NLGN4Y: variants seen among roughly 807,000 people sequenced by gnomAD.
NLGN4Y encodes neuroligin-4, Y-linked.
NLGN4Y carries 4 observed loss-of-function variants against 8.4 expected under a neutral mutation model. That is an observed-to-expected ratio of 0.48 (90% confidence interval 0.23 to 1.09). The LOEUF is 1.09. Ranked by LOEUF, NLGN4Y falls within the 50% of genes least tolerant of loss-of-function variation. The probability of loss-of-function intolerance (pLI) is 0.19; values close to 1 mark genes in which losing one functional copy is unlikely to be tolerated. For synonymous variants in NLGN4Y, 35 were observed against 75.6 expected (o/e 0.46, Z 2.78); for missense variants, 90 against 192.3 (o/e 0.47, Z 3.15).
intron 4 of NLGN4Y, among the ~76,000 whole-genome samples, chrY:14,785,137 T>C (rs2042958282): frequency 3.0e-5 from 1 of 33,434 alleles, no homozygotes; most frequent in Non-Finnish European, 7.4e-5. Context: ...GCACCTAAAA[T>C]AAAAGTTTAA....
chrY:14,785,581 G>A, intron 4 of NLGN4Y, among the ~76,000 whole-genome samples: 1 of 32,902 alleles, frequency 3.0e-5, no homozygotes. Flanking sequence ...TGGCTAACAC[G>A]GTGAAACCCC....
chrY:14,699,694 T>C (rs2080842938), intron 2 of NLGN4Y, among the ~76,000 whole-genome samples: 1 of 33,020 alleles, frequency 3.0e-5, no homozygotes, highest in Admixed American at 2.8e-4. Context: ...TATAAATACC[T>C]AAAATTGCAT....
At chrY:14,751,502 C>A (rs777937689) in intron 4 of NLGN4Y, among the ~76,000 whole-genome samples, 1 of 32,240 alleles carries the variant, frequency 3.1e-5, no homozygotes, top group South Asian at 7.0e-4. Flanking sequence ...ATTTATTGGC[C>A]GTTTGTTTTT....
At chrY:14,597,306 C>A (rs2080405446) in intron 1 of NLGN4Y, among the ~76,000 whole-genome samples, 1 of 32,478 alleles carries the variant, frequency 3.1e-5, no homozygotes, top group Non-Finnish European at 7.5e-5. Context: ...TTGCAAAGAG[C>A]GAAAAAACTA....
chrY:14,662,327 CT>C (rs2080677736), intron 2 of NLGN4Y, among the ~76,000 whole-genome samples: 2 of 33,714 alleles, frequency 5.9e-5, no homozygotes, highest in African/African-American at 2.3e-4. Flanking sequence ...TATATAATCT[CT>C]ATGTATCATC....
At chrY:14,729,454 G>A (rs548962021) in intron 4 of NLGN4Y, among the ~76,000 whole-genome samples, 524 of 33,316 alleles carry the variant, frequency 0.016, no homozygotes, top group Admixed American at 0.11. Flanking sequence ...ACTGAATGGC[G>A]TCAAACAGAA....
intron 3 of NLGN4Y, among the ~76,000 whole-genome samples, chrY:14,720,167 G>A (rs2080929860): frequency 5.9e-5 from 2 of 33,706 alleles, no homozygotes; most frequent in Admixed American, 5.4e-4. Context: ...AAGTAGCTCA[G>A]AACTGAAAAA....
chrY:14,738,990 C>A, intron 4 of NLGN4Y, among the ~76,000 whole-genome samples: 1 of 33,015 alleles, frequency 3.0e-5, no homozygotes, highest in Non-Finnish European at 7.4e-5. Flanking sequence ...CTCCCTCCTA[C>A]AAAAATCCTA....
At chrY:14,693,776 T>C (rs2080818615) in intron 2 of NLGN4Y, among the ~76,000 whole-genome samples, 1 of 32,422 alleles carries the variant, frequency 3.1e-5, no homozygotes, top group Non-Finnish European at 7.5e-5. Context: ...AAATAGGAAT[T>C]CTGATGGTAC....
At chrY:14,583,465 T>C (rs2080326590) in intron 1 of NLGN4Y, among the ~76,000 whole-genome samples, 1 of 33,682 alleles carries the variant, frequency 3.0e-5, no homozygotes, top group South Asian at 6.6e-4. Context: ...TCTATAACCT[T>C]GAGCCTTTCT....
At chrY:14,679,783 C>T in intron 2 of NLGN4Y, among the ~76,000 whole-genome samples, 1 of 33,490 alleles carries the variant, frequency 3.0e-5, no homozygotes, top group Non-Finnish European at 7.4e-5. Context: ...GATTCCATAA[C>T]TGAGGCTGAT....
chrY:14,651,892 A>G (rs2080631262), intron 2 of NLGN4Y, among the ~76,000 whole-genome samples: 3 of 33,356 alleles, frequency 9.0e-5, no homozygotes, highest in Admixed American at 5.5e-4. Flanking sequence ...TTGATCATAC[A>G]TATTGATTAT....
intron 4 of NLGN4Y, among the ~76,000 whole-genome samples, chrY:14,806,754 A>G (rs2043058867): frequency 3.1e-5 from 1 of 31,797 alleles, no homozygotes; most frequent in Non-Finnish European, 7.7e-5. Flanking sequence ...ATCCTTGACA[A>G]TTATAGTAAC....
At chrY:14,583,248 C>T (rs1603500384) in intron 1 of NLGN4Y, among the ~76,000 whole-genome samples, 1 of 33,660 alleles carries the variant, frequency 3.0e-5, no homozygotes, top group East Asian at 7.9e-4. Context: ...AAAGATCCCC[C>T]TTCAAAAATC....
intron 1 of NLGN4Y, among the ~76,000 whole-genome samples, chrY:14,567,219 AT>A (rs751311222): frequency 9.1e-4 from 12 of 13,196 alleles, no homozygotes; most frequent in East Asian, 6.3e-3. Flanking sequence ...TTTGCTTTGA[AT>A]TTTTTTTTTT....
At chrY:14,806,158 C>CA (rs2043056630) in intron 4 of NLGN4Y, among the ~76,000 whole-genome samples, 1 of 33,289 alleles carries the variant, frequency 3.0e-5, no homozygotes, top group Non-Finnish European at 7.4e-5. Flanking sequence ...AAAACAAAAA[C>CA]AAAAAACAAA....
intron 4 of NLGN4Y, among the ~76,000 whole-genome samples, chrY:14,820,961 A>G: frequency 3.0e-5 from 1 of 33,671 alleles, no homozygotes. Flanking sequence ...CCCAACTCCA[A>G]AGATTCAGTG....
chrY:14,583,352 A>G (rs2080326280), intron 1 of NLGN4Y, among the ~76,000 whole-genome samples: 2 of 33,468 alleles, frequency 6.0e-5, no homozygotes, highest in African/African-American at 2.3e-4. Flanking sequence ...TCAAAGGGCC[A>G]TGGTTCAGAT....
At chrY:14,793,213 G>A in intron 4 of NLGN4Y, among the ~76,000 whole-genome samples, 1 of 33,656 alleles carries the variant, frequency 3.0e-5, no homozygotes, top group South Asian at 6.5e-4. Flanking sequence ...ATGTGTCGCT[G>A]TTAAAATAGT....
Sources: allele counts gnomAD v4.1 joint callset (sites outside exome capture counted in the v4.1 genomes callset), GRCh38; gene constraint gnomAD v4.1.1; transcripts MANE v1.5; gene names NCBI Gene and HGNC (gene_info 2026-07-23, HGNC 2026-07-21).